MIS18A: variants seen among roughly 807,000 people sequenced by gnomAD.
The protein encoded by MIS18A is protein Mis18-alpha.
In MIS18A, 14 loss-of-function variants were observed where a neutral mutation model predicts 25.0. The observed-to-expected ratio is 0.56, with a 90% CI of 0.37 to 0.88. The LOEUF (loss-of-function observed/expected upper bound fraction) is 0.88, where lower values mean the gene tolerates loss of function less well. Ranked by LOEUF, MIS18A falls within the 40% of genes least tolerant of loss-of-function variation. The pLI, the probability that MIS18A is intolerant of heterozygous loss-of-function variation, is 0.00. For synonymous variants in MIS18A, 134 were observed against 118.6 expected (o/e 1.13, Z -0.84); for missense variants, 292 against 290.8 (o/e 1.00, Z -0.03).
chr21:32,183,813 C>T, the MIS18A span, among the ~76,000 whole-genome samples: 1 of 152,148 alleles, frequency 6.6e-6, no homozygotes, highest in Non-Finnish European at 1.5e-5. Context: ...CCACATCTAC[C>T]CTTTATGGAA....
chr21:32,270,646 T>C (rs1429434350), intron 2 of MIS18A, 117 bp from the exon 3 acceptor site: 1 of 1,073,036 alleles, frequency 9.3e-7, no homozygotes, highest in African/African-American at 1.7e-5. Context: ...CTGACCACAC[T>C]AGGTCATACA....
chr21:32,167,217 G>T, the MIS18A span, among the ~76,000 whole-genome samples: 1 of 152,114 alleles, frequency 6.6e-6, no homozygotes, highest in Non-Finnish European at 1.5e-5. Flanking sequence ...TAGATAATAT[G>T]ATCCAGAGCT....
chr21:32,248,141 G>A, the MIS18A span, among the ~76,000 whole-genome samples: 1 of 152,194 alleles, frequency 6.6e-6, no homozygotes, highest in South Asian at 2.1e-4. Flanking sequence ...TAAAATCCAG[G>A]AGAGACCCCA....
the MIS18A span, among the ~76,000 whole-genome samples, chr21:32,201,406 G>A: frequency 6.6e-6 from 1 of 152,092 alleles, no homozygotes; most frequent in African/African-American, 2.4e-5. Context: ...CAGAACTTCG[G>A]AAGGCAATTT....
chr21:32,169,527 A>G, the MIS18A span, among the ~76,000 whole-genome samples: 6,318 of 152,234 alleles, frequency 0.042, 427 homozygotes, highest in African/African-American at 0.14. Flanking sequence ...CTAAAAGGCC[A>G]TGAGCATGGC....
the MIS18A span, among the ~76,000 whole-genome samples, chr21:32,182,601 C>T: frequency 2.0e-5 from 3 of 152,174 alleles, no homozygotes; most frequent in Admixed American, 2.0e-4. Context: ...AAGTGGGGTC[C>T]ACACATAGCT....
chr21:32,274,328 T>C (rs9982528), intron 2 of MIS18A, among the ~76,000 whole-genome samples: 151,051 of 151,052 alleles, frequency 1, 75,525 homozygotes, highest in Middle Eastern at 1. Flanking sequence ...TCTCAGCCTC[T>C]TGAGTAGGTG....
At chr21:32,190,736 C>T in the MIS18A span, among the ~76,000 whole-genome samples, 1 of 152,296 alleles carries the variant, frequency 6.6e-6, no homozygotes, top group African/African-American at 2.4e-5. Flanking sequence ...TTGCTGTGGC[C>T]TCACTGCATG....
chr21:32,214,439 T>C, the MIS18A span, among the ~76,000 whole-genome samples: 1 of 147,020 alleles, frequency 6.8e-6, no homozygotes, highest in Non-Finnish European at 1.5e-5. Flanking sequence ...GGTTTGGTGC[T>C]GCGCTTTCCA....
At chr21:32,240,501 C>G in the MIS18A span, among the ~76,000 whole-genome samples, 1 of 152,126 alleles carries the variant, frequency 6.6e-6, no homozygotes, top group African/African-American at 2.4e-5. Context: ...TATAAGCCAC[C>G]CAGTTGGTGG....
At chr21:32,198,906 T>TA in the MIS18A span, among the ~76,000 whole-genome samples, 329 of 131,870 alleles carry the variant, frequency 2.5e-3, 1 homozygote, top group East Asian at 6.7e-3. Flanking sequence ...AGGCTCTGTC[T>TA]AAAAAAAAAA....
chr21:32,257,829 T>G, the MIS18A span, among the ~76,000 whole-genome samples: 1 of 152,178 alleles, frequency 6.6e-6, no homozygotes, highest in Non-Finnish European at 1.5e-5. Context: ...CTCTGCATAA[T>G]CACTTAATGC....
chr21:32,211,948 A>C, the MIS18A span, among the ~76,000 whole-genome samples: 1 of 152,066 alleles, frequency 6.6e-6, no homozygotes, highest in Non-Finnish European at 1.5e-5. Flanking sequence ...CCCATACCCT[A>C]TCTCTCCCCT....
chr21:32,219,682 G>A, the MIS18A span, among the ~76,000 whole-genome samples: 2 of 152,150 alleles, frequency 1.3e-5, no homozygotes, highest in African/African-American at 4.8e-5. Context: ...GTCTTTCCCA[G>A]AGGATCCCAC....
chr21:32,247,808 G>A, the MIS18A span, among the ~76,000 whole-genome samples: 2 of 152,162 alleles, frequency 1.3e-5, no homozygotes, highest in Non-Finnish European at 2.9e-5. Context: ...CAAGCTACAC[G>A]GCTGTGTCTA....
chr21:32,251,155 T>C, the MIS18A span, among the ~76,000 whole-genome samples: 1 of 152,150 alleles, frequency 6.6e-6, no homozygotes, highest in Non-Finnish European at 1.5e-5. Flanking sequence ...AATTAAACCT[T>C]TTTCCTCTAT....
At chr21:32,165,654 A>G in the MIS18A span, among the ~76,000 whole-genome samples, 1 of 152,098 alleles carries the variant, frequency 6.6e-6, no homozygotes, top group African/African-American at 2.4e-5. Flanking sequence ...AAAGAAAAAA[A>G]CCCCAAAACC....
chr21:32,185,648 A>G, the MIS18A span, among the ~76,000 whole-genome samples: 1 of 152,082 alleles, frequency 6.6e-6, no homozygotes, highest in Admixed American at 6.5e-5. Context: ...TTACACACCA[A>G]CAACCCTGGA....
the MIS18A span, among the ~76,000 whole-genome samples, chr21:32,250,087 G>C: frequency 6.6e-6 from 1 of 152,052 alleles, no homozygotes; most frequent in Non-Finnish European, 1.5e-5. Flanking sequence ...TTTCCTTCCC[G>C]TGGCACTATG....
Sources: gnomAD v4.1 joint callset for allele counts (sites outside exome capture counted in the v4.1 genomes callset) on GRCh38, gnomAD v4.1.1 for gene constraint, MANE v1.5 for transcripts, NCBI Gene and HGNC (gene_info 2026-07-23, HGNC 2026-07-21) for gene names.